The following ZNF224 variants were observed in gnomAD, a reference collection of about 807,000 sequenced individuals.
ZNF224 encodes the protein zinc finger protein 224, also known as bone marrow zinc finger 2.
A neutral mutation model predicts 10.5 loss-of-function variants in ZNF224; 8 were observed. That is an observed-to-expected ratio of 0.76 (90% CI 0.45 to 1.37). ZNF224 has a LOEUF of 1.37. Ranked by LOEUF, ZNF224 falls within the 40% of genes most tolerant of loss-of-function variation. The pLI is 0.00. For synonymous variants in ZNF224, 282 were observed against 287.8 expected (o/e 0.98, Z 0.20); for missense variants, 754 against 854.0 (o/e 0.88, Z 1.46).
rs1447835874 is a variant in ZNF224 at position 44,108,729 on chromosome 19, AT to A, written c.*447del. The stretch of plus-strand genomic sequence containing the variant: ...CTAAGTCGTCACAGCCTTAACATTG[AT>A]TAGCACTTTGTATGTGTTCAGTACT... On this transcript the variant is annotated 3_prime_UTR_variant, in exon 6 of 6. Coordinates refer to ENST00000693561, the MANE Select transcript of ZNF224 (RefSeq NM_001321645.3). 2 of 516,654 alleles carry A rather than the reference AT, an allele frequency of 3.9e-6. No homozygotes were observed. Among genetic ancestry groups the A allele is most frequent in the African/African-American group, 2.0e-5 (1 of 49,628 alleles). The allele number at this position is 516,654 out of a possible 1,614,324, so 32.0% of individuals were successfully genotyped here.
At chr19:44,097,756 C>A in intron 2 of ZNF224, 50 bp from the exon 3 acceptor site, 1 of 1,133,054 alleles carries the variant, frequency 8.8e-7, no homozygotes, top group Non-Finnish European at 1.3e-6. Context: ...GGGTGGCATC[C>A]CTGGCCACCT....
In ZNF224 at chr19:44,097,242, G is replaced by A. The variant is rs1295701978; in HGVS notation, c.-68-564G>A. Among the ~76,000 whole-genome samples, 3 of 152,198 alleles carry A rather than the reference G, an allele frequency of 2.0e-5. 1 individual carries two copies. Among genetic ancestry groups the A allele is most frequent in the Non-Finnish European group, 2.9e-5 (2 of 67,996 alleles). On this transcript the variant is annotated intron_variant, in intron 2 of 5. Coordinates refer to ENST00000693561, the MANE Select transcript of ZNF224 (RefSeq NM_001321645.3). ...AGAATTGACTCTTAAGTTAGATAACGTGTACATTAACAATTATTTTTTCCA... is the reference window on the plus strand; with the variant it reads ...AGAATTGACTCTTAAGTTAGATAACATGTACATTAACAATTATTTTTTCCA...
chr19:44,103,747 T>C (rs773623470), intron 5 of ZNF224, among the ~76,000 whole-genome samples: 2 of 152,078 alleles, frequency 1.3e-5, no homozygotes, highest in Non-Finnish European at 2.9e-5. Flanking sequence ...CTGGAGAGCA[T>C]TGGCATGATC....
In ZNF224 at chr19:44,106,692, T is replaced by C; in HGVS notation, c.532T>C (p.Cys178Arg). The C allele has an allele frequency of 1.9e-6, 3 of 1,602,926 alleles. No individual in the cohort carries two copies. The highest frequency in any genetic ancestry group is 3.3e-4 in the Middle Eastern group (2 of 5,996). ...QLHSGEKSHT[C>R]DECGKNFCYI... ...ACACTCAGGAGAGAAATCTCATACG[T>C]GTGATGAGTGTGGAAAGAACTTTTG... Residue 178 changes from cysteine to arginine, a missense_variant, in exon 6 of 6, where the codon TGT becomes CGT. Physicochemically the swap from Cys to Arg is radical, Grantham distance 180. Coordinates refer to ENST00000693561, the MANE Select transcript of ZNF224 (RefSeq NM_001321645.3).
chr19:44,097,145 G>T (rs1232173030), intron 2 of ZNF224: 2 of 172,710 alleles, frequency 1.2e-5, no homozygotes, highest in South Asian at 1.1e-4. Context: ...ATTATTAGTG[G>T]GCATTCAGCT....
rs754939569 is a variant in ZNF224, at chr19:44,106,964, C to T, written c.804C>T (p.Ala268=). 9.9e-6 allele frequency: 16 copies of T among 1,610,570 alleles called. No individual in the cohort carries two copies. The highest frequency in any genetic ancestry group is 1.4e-5 in the Non-Finnish European group (16 of 1,177,970). ...KPYNCEECGK[A]FIHDSQLQEH... is the part of the protein sequence containing the mutation. ...ATAATTGTGAGGAATGCGGGAAGGC[C>T]TTCATTCACGATTCCCAGCTTCAAG... Residue 268 remains alanine (A), a synonymous_variant, in exon 6 of 6, where the codon GCC becomes GCT. Transcript: ENST00000693561.
chr19:44,104,208 G>A (rs1393582618), intron 5 of ZNF224, among the ~76,000 whole-genome samples: 1 of 151,822 alleles, frequency 6.6e-6, no homozygotes, highest in Non-Finnish European at 1.5e-5. Flanking sequence ...CCAAATTATT[G>A]TTCACATCTA....
chr19:44,097,992 T>A, intron 3 of ZNF224, 104 bp downstream of exon 3: 1 of 1,303,982 alleles, frequency 7.7e-7, no homozygotes, highest in East Asian at 2.4e-5. Context: ...AAACAGACAT[T>A]TGAGGATCTC....
At position 44,107,985 on chromosome 19, in the gene ZNF224, T is replaced by G; in HGVS notation, c.1825T>G (p.Ser609Ala). 6.2e-7 allele frequency: 1 copy of G among 1,614,196 alleles called. No individual in the cohort carries two copies. Among genetic ancestry groups the G allele is most frequent in the Non-Finnish European group, 8.5e-7 (1 of 1,180,030 alleles). The part of the protein sequence containing the change: ...DECGKGFSWS[S>A]TRLTHQRRHS... Reference sequence around the variant, plus strand: ...GTGTGGGAAGGGCTTCAGCTGGTCCTCAACTCGTCTGACCCATCAGAGACG... The same window carrying G: ...GTGTGGGAAGGGCTTCAGCTGGTCCGCAACTCGTCTGACCCATCAGAGACG... Residue 609 changes from serine to alanine, a missense_variant, in exon 6 of 6, where the codon TCA becomes GCA. Physicochemically the swap from Ser to Ala is moderately conservative, Grantham distance 99. Coordinates refer to ENST00000693561, the MANE Select transcript of ZNF224 (RefSeq NM_001321645.3).
intron 3 of ZNF224, among the ~76,000 whole-genome samples, chr19:44,098,821 C>T (rs555413471): frequency 6.6e-6 from 1 of 152,314 alleles, no homozygotes; most frequent in Non-Finnish European, 1.5e-5. Context: ...TCAGGTGATC[C>T]ACCTGCCTCG....
chr19:44,103,849 C>A (rs1382659902), intron 5 of ZNF224, among the ~76,000 whole-genome samples: 1 of 152,098 alleles, frequency 6.6e-6, no homozygotes, highest in African/African-American at 2.4e-5. Flanking sequence ...CACCACCACA[C>A]CTGGCTAATT....
In ZNF224 at chr19:44,108,074, C is replaced by A; in HGVS notation, c.1914C>A (p.Phe638Leu). The change falls in exon 6 of 6, where the codon TTC becomes TTA. Residue 638 changes from phenylalanine to leucine, a missense_variant. Physicochemically the swap from Phe to Leu is conservative, Grantham distance 22. Transcript: ENST00000693561. ...QHGKNIVQNS[F>L]SKVQEKVHSV... ...GGAAGAACATTGTACAGAATTCATT[C>A]TCTAAAGTGCAAGAAAAAGTTCACA... The A allele has an allele frequency of 1.9e-6, 3 of 1,611,898 alleles. No homozygotes were observed. Among genetic ancestry groups the A allele is most frequent in the Non-Finnish European group, 2.5e-6 (3 of 1,178,542 alleles).
intron 3 of ZNF224, 76 bp from the exon 4 acceptor site, chr19:44,100,725 T>C: frequency 1.4e-6 from 2 of 1,405,202 alleles, no homozygotes; most frequent in Non-Finnish European, 1.9e-6. Flanking sequence ...ACCCCTCCCC[T>C]CTGTCTGCTC....
rs1038313197 is a variant in ZNF224, at chr19:44,100,889, A to T, written c.104A>T (p.Asp35Val). Residue 35 changes from aspartate to valine, a missense_variant, in exon 4 of 6, where the codon GAT becomes GTT. Coordinates refer to ENST00000693561, the MANE Select transcript of ZNF224 (RefSeq NM_001321645.3). ...CTTGCTCAGAGGAAGCTGTATCGAG[A>T]TGTGATGCTGGAGAACTTCAGGAAC... ...LDLAQRKLYR[D>V]VMLENFRNLL... The T allele has an allele frequency of 1.2e-6, 2 of 1,613,962 alleles. No individual in the cohort carries two copies. The highest frequency in any genetic ancestry group is 2.7e-5 in the African/African-American group (2 of 74,896).
intron 5 of ZNF224, among the ~76,000 whole-genome samples, chr19:44,102,153 C>G (rs1967561124): frequency 6.6e-6 from 1 of 152,242 alleles, no homozygotes; most frequent in African/African-American, 2.4e-5. Context: ...TCAGCCCTTA[C>G]TTGCTCATCT....
chr19:44,096,126 A>G (rs2047848961), intron 1 of ZNF224: 2 of 152,132 alleles, frequency 1.3e-5, no homozygotes, highest in Admixed American at 1.3e-4. Context: ...CTGACAGACT[A>G]AACTAGTGAA....
rs1967658373 is a variant in ZNF224 at position 44,106,330 on chromosome 19, T to G, written c.236-66T>G. On this transcript the variant is annotated intron_variant, in intron 5 of 5. Transcript: ENST00000693561. ...TGAGAGTTTCCTGCCATGGCCTAAG[T>G]GAAATCTTGATAACACTGAACAAAG... 1.9e-6 allele frequency: 3 copies of G among 1,549,910 alleles called. No homozygotes were observed. In the Admixed American group the frequency reaches 5.3e-5, roughly 27 times the overall value.
intron 2 of ZNF224, chr19:44,097,234 T>C (rs1967455564): frequency 6.3e-6 from 1 of 159,728 alleles, no homozygotes; most frequent in Non-Finnish European, 1.4e-5. Context: ...ACTCTTAAGT[T>C]AGATAACGTG....
Position 44,107,917 on chromosome 19 carries a change from A to T in ZNF224, c.1757A>T (p.His586Leu). The change falls in exon 6 of 6, where the codon CAT becomes CTT. Residue 586 changes from histidine (H) to leucine (L), a missense_variant. Physicochemically the swap from His to Leu is moderately conservative, Grantham distance 99 (BLOSUM62 -3). Transcript: ENST00000693561. ...ACTCAGAATTCACAGCTTCATTCTC[A>T]TCAAAGAGTGCACACTGGAGAAAAG... ...RFTQNSQLHS[H>L]QRVHTGEKPY... 2 of 1,614,184 alleles carry T rather than the reference A, an allele frequency of 1.2e-6. No individual in the cohort carries two copies. The highest frequency in any genetic ancestry group is 1.7e-6 in the Non-Finnish European group (2 of 1,180,022).
Sources: gnomAD v4.1 joint callset for allele counts (sites outside exome capture counted in the v4.1 genomes callset) on GRCh38, gnomAD v4.1.1 for gene constraint, MANE v1.5 for transcripts, NCBI Gene and HGNC (gene_info 2026-07-23, HGNC 2026-07-21) for gene names.